The following AHNAK2 variants were observed in gnomAD, a reference collection of about 807,000 sequenced individuals.
AHNAK2 encodes AHNAK nucleoprotein 2.
AHNAK2 carries 18 observed loss-of-function variants against 30.7 expected under a neutral mutation model. That is an observed-to-expected ratio of 0.59 (90% CI 0.41 to 0.87). The LOEUF is 0.87. AHNAK2 is among the 40% of genes least tolerant of loss of function. AHNAK2 has a pLI of 0.00. For missense variants in AHNAK2, 8,604 were observed against 7,373.0 expected (o/e 1.17, Z -6.11); for synonymous variants, 3,590 against 3,073.8 (o/e 1.17, Z -5.56).
chr14:104,965,013 G>A (rs541777182), intron 1 of AHNAK2, among the ~76,000 whole-genome samples: 125 of 152,254 alleles, frequency 8.2e-4, no homozygotes, highest in African/African-American at 2.9e-3. Context: ...CTTTGAATAC[G>A]GCTTAACACA....
In AHNAK2 at chr14:104,950,394, G is replaced by C; in HGVS notation, c.5057C>G (p.Pro1686Arg). The C allele has an allele frequency of 6.3e-7, 1 of 1,585,270 alleles. No homozygotes were observed. Among genetic ancestry groups the C allele is most frequent in the Middle Eastern group, 1.7e-4 (1 of 6,026 alleles). ...SIEASVDVSE[P>R]KVEADVSLPS... ...GAGGCTCACATCAGCTTCCACCTTC[G>C]GCTCAGACACATCCACCGAGGCCTC... is the stretch of plus-strand genomic sequence containing the variant. Residue 1686 changes from proline (P) to arginine (R), a missense_variant, in exon 7 of 7, where the codon CCG (proline) becomes CGG (arginine). Pro to Arg is a moderately radical substitution (Grantham distance 103, BLOSUM62 -2). Transcript: ENST00000333244.
At position 104,948,053 on chromosome 14, in the gene AHNAK2, C is replaced by G; in HGVS notation, c.7398G>C (p.Glu2466Asp). ...PGAKLDGAWL[E>D]GDLSVADKDV... Reference sequence around the variant, plus strand: ...CCTTGTCCGCCACAGACAGGTCCCCCTCCAGCCACGCACCATCCAGCTTGG... The same window carrying G: ...CCTTGTCCGCCACAGACAGGTCCCCGTCCAGCCACGCACCATCCAGCTTGG... Residue 2466 changes from glutamate to aspartate, a missense_variant, in exon 7 of 7, where the codon GAG becomes GAC. Coordinates refer to ENST00000333244, the MANE Select transcript of AHNAK2 (RefSeq NM_138420.4). The G allele has an allele frequency of 6.2e-7, 1 of 1,613,082 alleles. No homozygotes were observed. The highest frequency in any genetic ancestry group is 2.2e-5 in the East Asian group (1 of 44,840).
At chr14:104,955,725 C>T in intron 4 of AHNAK2, 92 bp from the exon 5 acceptor site, 1 of 1,468,226 alleles carries the variant, frequency 6.8e-7, no homozygotes, top group Non-Finnish European at 9.2e-7. Context: ...AGGATGGGCA[C>T]CCCACCATCC....
In AHNAK2 at chr14:104,939,547, A is replaced by C. The variant is rs768747438; in HGVS notation, c.15904T>G (p.Ser5302Ala). 1.2e-5 allele frequency: 19 copies of C among 1,613,728 alleles called. No homozygotes were observed. Among genetic ancestry groups the C allele is most frequent in the Non-Finnish European group, 1.6e-5 (19 of 1,179,896 alleles). Residue 5302 changes from serine to alanine, a missense_variant, in exon 7 of 7, where the codon TCC becomes GCC. Transcript: ENST00000333244. The stretch of plus-strand genomic sequence containing the variant: ...ATCTGAAAAGGGAGAGGTCCTTTGG[A>C]TGGATGGATCCTGACCTCAGAAGTG... Reference protein sequence around the residue: ...LSTSEVRIHPSKGPLPFQMPG... With the variant: ...LSTSEVRIHPAKGPLPFQMPG...
intron 1 of AHNAK2, among the ~76,000 whole-genome samples, chr14:104,973,976 C>T (rs989962505): frequency 6.6e-6 from 1 of 152,228 alleles, no homozygotes; most frequent in African/African-American, 2.4e-5. Context: ...CCGCCCCAGC[C>T]CCTCCCCATC....
intron 1 of AHNAK2, among the ~76,000 whole-genome samples, chr14:104,965,486 T>G (rs74090136): frequency 0.029 from 4,416 of 151,312 alleles, 199 homozygotes; most frequent in African/African-American, 0.099. Context: ...AGGACTCCAG[T>G]CTCAACCCCA....
chr14:104,976,283 CAGGGGGCAGCCTCGG>C (rs1899589912), intron 1 of AHNAK2, among the ~76,000 whole-genome samples: 2 of 152,190 alleles, frequency 1.3e-5, no homozygotes, highest in African/African-American at 4.8e-5. Context: ...GCATGGCCAC[CAGGGGGCAGCCTCGG>C]CACAAAAGCC....
At chr14:104,972,468 C>T (rs1289492937) in intron 1 of AHNAK2, among the ~76,000 whole-genome samples, 4 of 152,304 alleles carry the variant, frequency 2.6e-5, no homozygotes, top group South Asian at 2.1e-4. Context: ...TGGCACAGAG[C>T]GGGGCCGTCA....
Position 104,938,542 on chromosome 14 carries a change from G to C in AHNAK2, c.16909C>G (p.Pro5637Ala). The C allele has an allele frequency of 6.2e-7, 1 of 1,613,352 alleles. No individual in the cohort carries two copies. Among genetic ancestry groups the C allele is most frequent in the East Asian group, 2.2e-5 (1 of 44,882 alleles). The change falls in exon 7 of 7, where the codon CCA becomes GCA. Residue 5637 changes from proline to alanine, a missense_variant. Pro to Ala is a conservative substitution (Grantham distance 27, BLOSUM62 -1). Coordinates refer to ENST00000333244, the MANE Select transcript of AHNAK2 (RefSeq NM_138420.4). ...ADEGRAPKDKPESKKSGLLWF... is the reference protein window; with the variant it reads ...ADEGRAPKDKAESKKSGLLWF... ...AGCAGACCAGATTTTTTACTTTCTG[G>C]TTTGTCTTTTGGAGCCCTGCCTTCA...
chr14:104,948,970 G>A lies in AHNAK2; in HGVS notation c.6481C>T (p.Pro2161Ser). 1 of 1,248,438 alleles carries A rather than the reference G, an allele frequency of 8.0e-7. No individual in the cohort carries two copies. Among genetic ancestry groups the A allele is most frequent in the East Asian group, 2.3e-5 (1 of 44,210 alleles). The allele number at this position is 1,248,438 out of a possible 1,614,324, so 77.3% of individuals were successfully genotyped here. A position where few individuals can be genotyped will look rare whatever the true frequency, so the allele number is the denominator to read the frequency against. Residue 2161 changes from proline (P) to serine (S), a missense_variant, in exon 7 of 7, where the codon CCG becomes TCG. By Grantham distance (74) the Pro-to-Ser change is moderately conservative (BLOSUM62 -1). Transcript: ENST00000333244. The part of the protein sequence containing the change: ...SKFKMPKFKM[P>S]SFGVSAPGKS... The stretch of plus-strand genomic sequence containing the variant: ...CCTGGGGCAGACACCCCAAACGACG[G>A]CATCTTGAACTTGGGCATTTTGAAC...
intron 1 of AHNAK2, among the ~76,000 whole-genome samples, chr14:104,972,220 C>T (rs774014132): frequency 6.6e-6 from 1 of 152,212 alleles, no homozygotes; most frequent in Non-Finnish European, 1.5e-5. Context: ...CATTGCAATA[C>T]CCTAAAAAGG....
In AHNAK2 at chr14:104,953,416, T is replaced by C. The variant is rs1343398640; in HGVS notation, c.2035A>G (p.Lys679Glu). The change falls in exon 7 of 7, where the codon AAG becomes GAG. Residue 679 changes from lysine (K) to glutamate (E), a missense_variant. Lys to Glu is a moderately conservative substitution (Grantham distance 56). Coordinates refer to ENST00000333244, the MANE Select transcript of AHNAK2 (RefSeq NM_138420.4). ...ATKDSKFKMP[K>E]FKMPLFGASA... ...GCCCCGAACAATGGCATCTTGAACT[T>C]GGGCATTTTGAACTTGCTGTCTTTG... 3 of 1,613,944 alleles carry C rather than the reference T, an allele frequency of 1.9e-6. No individual in the cohort carries two copies. The highest frequency in any genetic ancestry group is 2.5e-6 in the Non-Finnish European group (3 of 1,179,906).
chr14:104,941,341 A>C lies in AHNAK2; in HGVS notation c.14110T>G (p.Phe4704Val). ...GAAAATGAAACTTTGGGCACTTTAA[A>C]ATGCAGTTTCTTAAACTTCGAATCC... ...GMDSKFKKLH[F>V]KVPKVSFSST... is the part of the protein sequence containing the mutation. Residue 4704 changes from phenylalanine (F) to valine (V), a missense_variant, in exon 7 of 7, where the codon TTT becomes GTT. Coordinates refer to ENST00000333244, the MANE Select transcript of AHNAK2 (RefSeq NM_138420.4). 1 of 1,613,584 alleles carries C rather than the reference A, an allele frequency of 6.2e-7. No homozygotes were observed. Among genetic ancestry groups the C allele is most frequent in the Non-Finnish European group, 8.5e-7 (1 of 1,179,892 alleles).
rs554150808 is a variant in AHNAK2, at chr14:104,946,720, G to A, written c.8731C>T (p.Leu2911Phe). 2 of 1,582,624 alleles carry A rather than the reference G, an allele frequency of 1.3e-6. No homozygotes were observed. Among genetic ancestry groups the A allele is most frequent in the East Asian group, 2.4e-5 (1 of 42,082 alleles). Residue 2911 changes from leucine (L) to phenylalanine (F), a missense_variant, in exon 7 of 7, where the codon CTC (leucine) becomes TTC (phenylalanine). Physicochemically the swap from Leu to Phe is conservative, Grantham distance 22. Transcript: ENST00000333244. ...MPSFKMPKVD[L>F]KGPQIDVKGP... ...TTGACGTCTATCTGGGGGCCCTTGA[G>A]ATCCACTTTGGGCATCTTGAAACTG... is the stretch of plus-strand genomic sequence containing the variant.
At position 104,938,418 on chromosome 14, in the gene AHNAK2, T is replaced by C. The variant is rs1455991040; in HGVS notation, c.17033A>G (p.Gln5678Arg). ...TTCTGCCTCTGGTCGTGCCTCAGGC[T>C]GTGTTTGAATGGGAGCAGATCTCTG... ...DVQRSAPIQT[Q>R]PEARPEAELP... Residue 5678 changes from glutamine to arginine, a missense_variant, in exon 7 of 7, where the codon CAG becomes CGG. Gln to Arg is a conservative substitution (Grantham distance 43). Coordinates refer to ENST00000333244, the MANE Select transcript of AHNAK2 (RefSeq NM_138420.4). 6.2e-7 allele frequency: 1 copy of C among 1,613,840 alleles called. No homozygotes were observed. The highest frequency in any genetic ancestry group is 8.5e-7 in the Non-Finnish European group (1 of 1,179,880).
Position 104,948,354 on chromosome 14 carries a change from A to G in AHNAK2, c.7097T>C (p.Leu2366Pro). The G allele has an allele frequency of 6.2e-7, 1 of 1,612,506 alleles. No homozygotes were observed. Among genetic ancestry groups the G allele is most frequent in the Non-Finnish European group, 8.5e-7 (1 of 1,179,542 alleles). The part of the protein sequence containing the change: ...SMQGDLKTTD[L>P]SVQPPSADLE... Reference sequence around the variant, plus strand: ...GTCAGCGGAAGGGGGCTGAACGCTGAGGTCAGTGGTCTTGAGGTCCCCCTG... The same window carrying G: ...GTCAGCGGAAGGGGGCTGAACGCTGGGGTCAGTGGTCTTGAGGTCCCCCTG... The change falls in exon 7 of 7, where the codon CTC becomes CCC. Residue 2366 changes from leucine to proline, a missense_variant. Coordinates refer to ENST00000333244, the MANE Select transcript of AHNAK2 (RefSeq NM_138420.4).
In AHNAK2 at chr14:104,942,632, G is replaced by A; in HGVS notation, c.12819C>T (p.Ala4273=). 1 of 1,612,858 alleles carries A rather than the reference G, an allele frequency of 6.2e-7. No homozygotes were observed. Among genetic ancestry groups the A allele is most frequent in the Admixed American group, 1.7e-5 (1 of 59,942 alleles). ...SMEVDVEAPG[A]KLDSVRLEGD... Reference sequence around the variant, plus strand: ...CCTCCAGCCGCACACTGTCCAGCTTGGCTCCCGGGGCCTCGACGTCCACCT... The same window carrying A: ...CCTCCAGCCGCACACTGTCCAGCTTAGCTCCCGGGGCCTCGACGTCCACCT... Residue 4273 remains alanine, a synonymous_variant, in exon 7 of 7, where the codon GCC becomes GCT. Transcript: ENST00000333244.
chr14:104,944,936 G>C lies in AHNAK2; in HGVS notation c.10515C>G (p.Ala3505=), dbSNP rs375160014. 1.2e-6 allele frequency: 2 copies of C among 1,612,980 alleles called. No homozygotes were observed. The highest frequency in any genetic ancestry group is 8.5e-7 in the Non-Finnish European group (1 of 1,179,594). Residue 3505 remains alanine, a synonymous_variant, in exon 7 of 7, where the codon GCC becomes GCG. Coordinates refer to ENST00000333244, the MANE Select transcript of AHNAK2 (RefSeq NM_138420.4). ...CCTGCATGGAGGAGAGGCTCACGTC[G>C]GCCTCCACCTTCGGCGCAGACACAT... ...SLDVSAPKVE[A]DVSLSSMQGD...
At position 104,946,394 on chromosome 14, in the gene AHNAK2, C is replaced by A. The variant is rs776106606; in HGVS notation, c.9057G>T (p.Gly3019=). The change falls in exon 7 of 7, where the codon GGG becomes GGT. Residue 3019 remains glycine (G), a synonymous_variant. Transcript: ENST00000333244. ...TGCTGATGTCAGTGGTCTTCAGGTC[C>A]CCCTGCATGGAGGGGAGGCTCACTT... is the stretch of plus-strand genomic sequence containing the variant. The part of the protein sequence containing the change: ...EAEVSLPSMQ[G]DLKTTDISIE... The A allele has an allele frequency of 1.9e-6, 3 of 1,612,448 alleles. No homozygotes were observed. The highest frequency in any genetic ancestry group is 2.5e-6 in the Non-Finnish European group (3 of 1,179,514).
Sources: allele counts gnomAD v4.1 joint callset (sites outside exome capture counted in the v4.1 genomes callset), GRCh38; gene constraint gnomAD v4.1.1; transcripts MANE v1.5; gene names NCBI Gene and HGNC (gene_info 2026-07-23, HGNC 2026-07-21).